The following RBFOX1 variants were observed in gnomAD, a reference collection of about 807,000 sequenced individuals.
RBFOX1 encodes RNA binding fox-1 homolog 1, also known as RNA binding protein fox-1 homolog 1.
A neutral mutation model predicts 57.7 loss-of-function variants in RBFOX1; 8 were observed. The observed-to-expected ratio is 0.14, with a 90% CI of 0.08 to 0.25. The LOEUF (loss-of-function observed/expected upper bound fraction) is 0.25, where lower values mean the gene tolerates loss of function less well. Among genes scored for constraint, RBFOX1 ranks in the 10% least tolerant of loss-of-function variants. The pLI is 1.00. For missense variants in RBFOX1, 611 were observed against 548.5 expected (o/e 1.11, Z -1.14); for synonymous variants, 326 against 222.4 (o/e 1.47, Z -4.15).
intron 1 of RBFOX1, among the ~76,000 whole-genome samples, chr16:6,024,992 A>C (rs918200517): frequency 3.3e-5 from 5 of 152,228 alleles, no homozygotes; most frequent in Admixed American, 2.6e-4. Context: ...TGGAATAGTG[A>C]CAAAATCATA....
intron 4 of RBFOX1, among the ~76,000 whole-genome samples, chr16:7,362,556 A>T (rs916282226): frequency 6.7e-6 from 1 of 149,166 alleles, no homozygotes; most frequent in Admixed American, 6.7e-5. Flanking sequence ...TAGTGTGTGG[A>T]TGTTTTGTTT....
chr16:6,659,630 C>G lies in RBFOX1; in HGVS notation c.-16+4980C>G, dbSNP rs142072493. On this transcript the variant is annotated intron_variant, in intron 3 of 15. Coordinates refer to ENST00000550418, the MANE Select transcript of RBFOX1 (RefSeq NM_018723.4). ...GGATTTAAGCTCAGAGATTCTTACT[C>G]CAGAGTCTGTCCTCTTAGTTTCAAT... is the stretch of plus-strand genomic sequence containing the variant. 3.9e-4 allele frequency among the ~76,000 whole-genome samples: 59 copies of G among 152,216 alleles called. No homozygotes were observed. In the East Asian group the frequency reaches 9.9e-3, roughly 26 times the overall value.
intron 4 of RBFOX1, among the ~76,000 whole-genome samples, chr16:5,943,758 G>A (rs148354802): frequency 2.1e-4 from 32 of 152,210 alleles, no homozygotes; most frequent in African/African-American, 6.5e-4. Flanking sequence ...CCTGAACAAG[G>A]TCCAAAAGAT....
Position 5,643,031 on chromosome 16 carries a change from A to G in RBFOX1, c.318+44070A>G, listed in dbSNP as rs530168699. ...AGCCCTTGCAGCAGGTCAGAAGTTTATGTCCTCACCTTATGATATATTCTT... is the reference window on the plus strand; with the variant it reads ...AGCCCTTGCAGCAGGTCAGAAGTTTGTGTCCTCACCTTATGATATATTCTT... On this transcript the variant is annotated intron_variant, in intron 3 of 19. Coordinates refer to the RBFOX1 transcript ENST00000641259. 1.7e-3 allele frequency among the ~76,000 whole-genome samples: 262 copies of G among 152,242 alleles called. 1 individual carries two copies. Among genetic ancestry groups the G allele is most frequent in the African/African-American group, 5.7e-3 (237 of 41,556 alleles).
chr16:5,271,446 G>A (rs2063004969), intron 1 of RBFOX1, among the ~76,000 whole-genome samples: 1 of 152,216 alleles, frequency 6.6e-6, no homozygotes, highest in African/African-American at 2.4e-5. Flanking sequence ...TATCCCCTAG[G>A]GATCCTGCTG....
chr16:7,145,471 T>C lies in RBFOX1; in HGVS notation c.27+93373T>C, dbSNP rs1286456825. Reference sequence around the variant, plus strand: ...ATCCACCTCCCTCGGCCTCCCAAAGTGCTGAGATGAGAGGCGTGAGCCATC... The same window carrying C: ...ATCCACCTCCCTCGGCCTCCCAAAGCGCTGAGATGAGAGGCGTGAGCCATC... On this transcript the variant is annotated intron_variant, in intron 4 of 15. Transcript: ENST00000550418. Among the ~76,000 whole-genome samples the C allele has an allele frequency of 8.5e-5, 13 of 152,168 alleles. 1 individual carries two copies. The highest frequency in any genetic ancestry group is 1.7e-4 in the African/African-American group (7 of 41,446).
chr16:6,222,889 C>T (rs2097385684), intron 1 of RBFOX1, among the ~76,000 whole-genome samples: 1 of 151,866 alleles, frequency 6.6e-6, no homozygotes, highest in Non-Finnish European at 1.5e-5. Context: ...GTGTGATGTT[C>T]CCCTTCTGTG....
chr16:6,758,616 G>A (rs113046272), intron 3 of RBFOX1, among the ~76,000 whole-genome samples: 28 of 152,214 alleles, frequency 1.8e-4, no homozygotes, highest in African/African-American at 6.7e-4. Context: ...ATTCTATAAT[G>A]CAAATATTTT....
intron 2 of RBFOX1, among the ~76,000 whole-genome samples, chr16:6,460,065 T>C (rs2094879916): frequency 6.9e-6 from 1 of 144,694 alleles, no homozygotes; most frequent in African/African-American, 2.6e-5. Flanking sequence ...CCCAATATTC[T>C]GTAATGTAGG....
At chr16:7,322,478 G>T (rs1218679309) in intron 4 of RBFOX1, among the ~76,000 whole-genome samples, 3 of 152,338 alleles carry the variant, frequency 2.0e-5, no homozygotes, top group East Asian at 1.9e-4. Flanking sequence ...GCGCATGCCT[G>T]CCCTTAGTAG....
At chr16:6,079,514 A>G (rs2095965850) in intron 1 of RBFOX1, among the ~76,000 whole-genome samples, 1 of 152,044 alleles carries the variant, frequency 6.6e-6, no homozygotes, top group African/African-American at 2.4e-5. Context: ...TGTAGAGATG[A>G]GGTCTTGCTG....
At chr16:6,676,334 A>G (rs2057681007) in intron 3 of RBFOX1, among the ~76,000 whole-genome samples, 1 of 152,032 alleles carries the variant, frequency 6.6e-6, no homozygotes, top group Non-Finnish European at 1.5e-5. Context: ...CTTCCAGTCA[A>G]TTTTGGGGAG....
intron 1 of RBFOX1, among the ~76,000 whole-genome samples, chr16:6,268,912 A>G (rs1166905151): frequency 6.6e-6 from 1 of 152,190 alleles, no homozygotes; most frequent in Non-Finnish European, 1.5e-5. Flanking sequence ...TCCAAAATCC[A>G]TGGATGTTCA....
intron 2 of RBFOX1, among the ~76,000 whole-genome samples, chr16:6,386,306 G>T (rs1442484155): frequency 6.6e-6 from 1 of 152,180 alleles, no homozygotes; most frequent in Non-Finnish European, 1.5e-5. Context: ...GGACATTTTG[G>T]CTGGGAACAC....
intron 3 of RBFOX1, among the ~76,000 whole-genome samples, chr16:5,676,619 G>C (rs562182937): frequency 2.0e-5 from 3 of 152,146 alleles, no homozygotes; most frequent in Admixed American, 2.0e-4. Flanking sequence ...CCAGCACTTG[G>C]GGAGGCTGAA....
chr16:6,450,793 AT>A (rs2094583733), intron 2 of RBFOX1, among the ~76,000 whole-genome samples: 1 of 15,462 alleles, frequency 6.5e-5, no homozygotes, highest in South Asian at 2.0e-3. Context: ...ATATATACAT[AT>A]ATATATGTAT....
At position 5,657,734 on chromosome 16, in the gene RBFOX1, T is replaced by TTC. The variant is rs1567357280; in HGVS notation, c.318+58774_318+58775insCT. ...TCTCTCTTTCTTTTGTTTCTTTTCT[T>TTC]TTCTTTTTTTTTTTTTGAGACAGAA... On this transcript the variant is annotated intron_variant, in intron 3 of 19. Coordinates refer to the RBFOX1 transcript ENST00000641259. Among the ~76,000 whole-genome samples, 7 of 121,896 alleles carry TTC rather than the reference T, an allele frequency of 5.7e-5. 1 individual carries two copies. The East Asian group carries it at 1.4e-3, about 24-fold the overall frequency. 80.0% of individuals were successfully genotyped at this position (121,896 alleles called of 152,430 possible). A position where few individuals can be genotyped will look rare whatever the true frequency, so the allele number is the denominator to read the frequency against.
chr16:5,458,994 A>T (rs935106861), intron 1 of RBFOX1, among the ~76,000 whole-genome samples: 1 of 151,572 alleles, frequency 6.6e-6, no homozygotes, highest in Non-Finnish European at 1.5e-5. Context: ...TCTCTGTACC[A>T]CTCTTGGCCC....
chr16:7,473,771 C>G (rs1437096190), intron 4 of RBFOX1, among the ~76,000 whole-genome samples: 1 of 152,090 alleles, frequency 6.6e-6, no homozygotes, highest in African/African-American at 2.4e-5. Flanking sequence ...TGTGTTCATA[C>G]ATGAATGGAG....
Sources: allele counts gnomAD v4.1 joint callset (sites outside exome capture counted in the v4.1 genomes callset), GRCh38; gene constraint gnomAD v4.1.1; transcripts MANE v1.5; gene names NCBI Gene and HGNC (gene_info 2026-07-23, HGNC 2026-07-21).